The following PPIP5K2 variants were observed in gnomAD, a reference collection of about 807,000 sequenced individuals.
PPIP5K2 encodes inositol hexakisphosphate and diphosphoinositol-pentakisphosphate kinase 2.
Under a neutral mutation model 154.6 loss-of-function variants are expected in PPIP5K2, and 105 were observed. The observed-to-expected ratio is 0.68, with a 90% CI of 0.58 to 0.80. PPIP5K2 has a LOEUF of 0.80. Ranked by LOEUF, PPIP5K2 falls within the 30% of genes least tolerant of loss-of-function variation. PPIP5K2 has a pLI of 0.00. For synonymous variants in PPIP5K2, 480 were observed against 490.3 expected, an observed-to-expected ratio of 0.98 and a Z score of 0.28; for missense variants, 992 against 1,504.6, an observed-to-expected ratio of 0.66 and a Z score of 5.64.
Position 103,138,436 on chromosome 5 carries a change from GC to G in PPIP5K2, c.455del (p.Ala152ValfsTer3). The part of the protein sequence containing the change: ...QAEGILLPRY[A>X]ILNRDPNNPK... ...TGAAGGTATTTTACTTCCTCGTTATGCTATTTTGAACCGTGACCCAAATAAT... is the reference window on the plus strand; with the variant it reads ...TGAAGGTATTTTACTTCCTCGTTATGTATTTTGAACCGTGACCCAAATAAT... On this transcript the variant is annotated frameshift_variant, in exon 5 of 31. Coordinates refer to ENST00000358359, the MANE Select transcript of PPIP5K2 (RefSeq NM_001276277.3). LOFTEE classifies it high-confidence loss of function. The G allele has an allele frequency of 6.2e-7, 1 of 1,607,228 alleles. No individual in the cohort carries two copies. The highest frequency in any genetic ancestry group is 8.5e-7 in the Non-Finnish European group (1 of 1,174,958).
intron 17 of PPIP5K2, 34 bp from the exon 18 acceptor site, chr5:103,167,145 C>G: frequency 7.0e-7 from 1 of 1,437,200 alleles, no homozygotes; most frequent in Non-Finnish European, 9.3e-7. Context: ...TTAGGCATAA[C>G]CAGATATAAA....
At chr5:103,189,181 T>TA (rs1213067714) in intron 28 of PPIP5K2, 10 of 1,530,478 alleles carry the variant, frequency 6.5e-6, no homozygotes, top group Admixed American at 5.9e-5. Context: ...CCTACACCTC[T>TA]ATAGGTGCTG....
rs782152524 is a variant in PPIP5K2, at chr5:103,177,726, C to A, written c.2589C>A (p.Leu863=). 6.2e-7 allele frequency: 1 copy of A among 1,612,048 alleles called. No individual in the cohort carries two copies. The highest frequency in any genetic ancestry group is 8.5e-7 in the Non-Finnish European group (1 of 1,178,986). ...AMDYLNVVNE[L]NYMTQIVIML... ...ATTATTTAAACGTTGTCAATGAGCT[C>A]AACTACATGACTCAGATTGTTATCA... Residue 863 remains leucine, a synonymous_variant, in exon 22 of 31, where the codon CTC becomes CTA. Transcript: ENST00000358359.
chr5:103,171,298 A>C (rs1554219470), intron 19 of PPIP5K2, among the ~76,000 whole-genome samples: 1 of 151,552 alleles, frequency 6.6e-6, no homozygotes, highest in African/African-American at 2.4e-5. Flanking sequence ...TTAAAGACTA[A>C]ATTTGATATT....
intron 21 of PPIP5K2, 52 bp from the exon 22 acceptor site, chr5:103,177,615 T>C (rs772935372): frequency 1.3e-4 from 170 of 1,291,020 alleles, no homozygotes; most frequent in Non-Finnish European, 1.7e-4. Context: ...ATAAAGTGAC[T>C]TTCAAGTAAC....
chr5:103,185,727 A>C (rs1554224728), intron 26 of PPIP5K2, among the ~76,000 whole-genome samples: 1 of 152,092 alleles, frequency 6.6e-6, no homozygotes. Context: ...TAAGATCTTA[A>C]GTCACTTGTT....
rs1554203240 is a variant in PPIP5K2 at position 103,133,456 on chromosome 5, C to G, written c.118C>G (p.Pro40Ala). ...TTTTGTTTCATTTTTGTTTTAGCCA[C>G]CAGAAAGGCAGATTGTGGTTGGAAT... ...EDDEEEDDSP[P>A]ERQIVVGICS... is the part of the protein sequence containing the mutation. The change falls in exon 3 of 31, where the codon CCA (proline) becomes GCA (alanine). Residue 40 changes from proline to alanine, a missense_variant. Coordinates refer to ENST00000358359, the MANE Select transcript of PPIP5K2 (RefSeq NM_001276277.3). 2.5e-6 allele frequency: 4 copies of G among 1,600,988 alleles called. No individual in the cohort carries two copies. In the South Asian group the frequency reaches 4.5e-5, roughly 18 times the overall value.
At chr5:103,176,911 G>A (rs1554221147) in intron 21 of PPIP5K2, 1 of 1,450,092 alleles carries the variant, frequency 6.9e-7, no homozygotes, top group East Asian at 2.5e-5. Context: ...GAAGGAGATG[G>A]TAAGATCAAT....
intron 26 of PPIP5K2, 91 bp from the exon 27 acceptor site, chr5:103,186,229 G>A (rs1217262364): frequency 2.0e-6 from 3 of 1,537,750 alleles, no homozygotes; most frequent in Non-Finnish European, 2.7e-6. Flanking sequence ...CCTTATATGT[G>A]GTAAGAGCCA....
intron 14 of PPIP5K2, among the ~76,000 whole-genome samples, chr5:103,156,300 C>T (rs1554213423): frequency 6.6e-6 from 1 of 152,110 alleles, no homozygotes; most frequent in African/African-American, 2.4e-5. Context: ...GGGCTCCTTA[C>T]ATCACCTTTT....
intron 1 of PPIP5K2, among the ~76,000 whole-genome samples, chr5:103,123,642 C>G (rs1554199761): frequency 6.6e-6 from 1 of 152,168 alleles, no homozygotes; most frequent in South Asian, 2.1e-4. Context: ...TACAGTTTTT[C>G]TAGTTAAGAA....
chr5:103,199,610 T>C (rs1239620046), intron 30 of PPIP5K2, among the ~76,000 whole-genome samples: 2 of 152,092 alleles, frequency 1.3e-5, no homozygotes, highest in Non-Finnish European at 2.9e-5. Context: ...CTAAGGCATA[T>C]TTATGTCTAT....
At chr5:103,175,617 G>A (rs146812436) in intron 21 of PPIP5K2, among the ~76,000 whole-genome samples, 66 of 152,196 alleles carry the variant, frequency 4.3e-4, no homozygotes, top group Non-Finnish European at 6.9e-4. Flanking sequence ...CCAGTGCCTT[G>A]TATTCTAATT....
chr5:103,170,211 C>T lies in PPIP5K2; in HGVS notation c.2286+1916C>T, dbSNP rs1352421677. Among the ~76,000 whole-genome samples, 3 of 151,612 alleles carry T rather than the reference C, an allele frequency of 2.0e-5. No individual in the cohort carries two copies. The East Asian group carries it at 5.8e-4, about 29-fold the overall frequency. ...TAGTTGAAGACATTTCTCACCATGT[C>T]CTTGTAACTTAAATAAATTCATAAT... On this transcript the variant is annotated intron_variant, in intron 19 of 30. Transcript: ENST00000358359.
chr5:103,210,701 CTG>C lies in PPIP5K2; in HGVS notation c.*9069_*9070del, dbSNP rs1176389065. On this transcript the variant is annotated 3_prime_UTR_variant, in exon 31 of 31. Transcript: ENST00000358359. The stretch of plus-strand genomic sequence containing the variant: ...TAGTACTGATTCCCATTATCATGCT[CTG>C]TTGTTCCCTGGATGCTCTTTTGAGG... 6.6e-6 allele frequency: 1 copy of C among 152,044 alleles called. No individual in the cohort carries two copies. The highest frequency in any genetic ancestry group is 2.4e-5 in the African/African-American group (1 of 41,408). The allele number at this position is 152,044 out of a possible 1,614,324, so 9.4% of individuals were successfully genotyped here. A position where few individuals can be genotyped will look rare whatever the true frequency, so the allele number is the denominator to read the frequency against.
chr5:103,190,258 G>A (rs1401699896), intron 28 of PPIP5K2, among the ~76,000 whole-genome samples: 4 of 151,888 alleles, frequency 2.6e-5, no homozygotes, highest in African/African-American at 9.7e-5. Context: ...GTGATTCCTA[G>A]TAATATAATT....
At chr5:103,171,017 T>C (rs782206194) in intron 19 of PPIP5K2, among the ~76,000 whole-genome samples, 28 of 151,536 alleles carry the variant, frequency 1.8e-4, no homozygotes, top group South Asian at 4.1e-4. Flanking sequence ...AATGATACTA[T>C]GCCTTAAAAA....
rs782673264 is a variant in PPIP5K2, at chr5:103,194,908, G to A, written c.3502G>A (p.Ala1168Thr). Residue 1168 changes from alanine to threonine, a missense_variant, in exon 30 of 31, where the codon GCT (alanine) becomes ACT (threonine). Physicochemically the swap from Ala to Thr is moderately conservative, Grantham distance 58. Transcript: ENST00000358359. Reference protein sequence around the residue: ...PRKTAEISSTALRSSPIMRKK... With the variant: ...PRKTAEISSTTLRSSPIMRKK... ...TGTTTATTTTTTTTCAGCCTCTACA[G>A]CTTTACGTTCCAGTCCAATAATGAG... 53 of 1,611,300 alleles carry A rather than the reference G, an allele frequency of 3.3e-5. No individual in the cohort carries two copies. Among genetic ancestry groups the A allele is most frequent in the Non-Finnish European group, 4.4e-5 (52 of 1,178,758 alleles).
chr5:103,140,692 C>A (rs1012604061), intron 5 of PPIP5K2, among the ~76,000 whole-genome samples: 1 of 150,156 alleles, frequency 6.7e-6, no homozygotes, highest in Non-Finnish European at 1.5e-5. Flanking sequence ...AAAAAATTAG[C>A]CGGGCGCAGT....
Sources: gnomAD v4.1 joint callset for allele counts (sites outside exome capture counted in the v4.1 genomes callset) on GRCh38, gnomAD v4.1.1 for gene constraint, MANE v1.5 for transcripts, NCBI Gene and HGNC (gene_info 2026-07-23, HGNC 2026-07-21) for gene names.